Variants in PAQR8 observed in about 807,000 individuals in gnomAD.
PAQR8 encodes the protein membrane progestin receptor beta.
A neutral mutation model predicts 25.2 loss-of-function variants in PAQR8; 17 were observed. The observed-to-expected ratio is 0.67, with a 90% CI of 0.46 to 1.01. The LOEUF is 1.01. Ranked by LOEUF, PAQR8 falls within the 50% of genes least tolerant of loss-of-function variation. The probability of loss-of-function intolerance (pLI) is 0.00; values close to 1 mark genes in which losing one functional copy is unlikely to be tolerated. For synonymous variants in PAQR8, 204 were observed against 190.6 expected (o/e 1.07, Z -0.58); for missense variants, 392 against 448.4 (o/e 0.87, Z 1.14).
chr6:52,397,090 G>T (rs1019059127), intron 1 of PAQR8, among the ~76,000 whole-genome samples: 1 of 152,168 alleles, frequency 6.6e-6, no homozygotes, highest in African/African-American at 2.4e-5. Flanking sequence ...TGTCACTTAA[G>T]CCAAGAGAGG....
At chr6:52,381,362 C>G (rs1480242573) in intron 1 of PAQR8, among the ~76,000 whole-genome samples, 1 of 152,242 alleles carries the variant, frequency 6.6e-6, no homozygotes, top group Non-Finnish European at 1.5e-5. Flanking sequence ...AGGCCCTATA[C>G]TTTGGGAGGC....
intron 1 of PAQR8, among the ~76,000 whole-genome samples, chr6:52,363,298 G>A (rs1763312804): frequency 6.6e-6 from 1 of 152,160 alleles, no homozygotes; most frequent in Non-Finnish European, 1.5e-5. Context: ...CAGGAGCCTT[G>A]GCAGGCTCAT....
chr6:52,377,492 A>T (rs1030909641), intron 1 of PAQR8, among the ~76,000 whole-genome samples: 1 of 152,146 alleles, frequency 6.6e-6, no homozygotes, highest in African/African-American at 2.4e-5. Flanking sequence ...TAATAACTGT[A>T]TCTGCTACAT....
chr6:52,365,497 G>A (rs780783576), intron 1 of PAQR8, among the ~76,000 whole-genome samples: 2 of 152,138 alleles, frequency 1.3e-5, no homozygotes, highest in Non-Finnish European at 2.9e-5. Context: ...ACATTGATGC[G>A]TGTAGAACAC....
At position 52,403,327 on chromosome 6, in the gene PAQR8, A is replaced by C; in HGVS notation, c.114A>C (p.Pro38=). The change falls in exon 2 of 2, where the codon CCA becomes CCC. Residue 38 remains proline, a synonymous_variant. Coordinates refer to ENST00000442253, the MANE Select transcript of PAQR8 (RefSeq NM_133367.5). The part of the protein sequence containing the change: ...DGLPKMPCTV[P]ETDVPQLFRE... ...TTCCCAAGATGCCTTGCACTGTCCCAGAAACGGATGTGCCCCAGCTCTTCC... is the reference window on the plus strand; with the variant it reads ...TTCCCAAGATGCCTTGCACTGTCCCCGAAACGGATGTGCCCCAGCTCTTCC... The C allele has an allele frequency of 6.2e-7, 1 of 1,614,240 alleles. No homozygotes were observed. The highest frequency in any genetic ancestry group is 1.1e-5 in the South Asian group (1 of 91,092).
At chr6:52,395,873 CTG>C (rs1243812762) in intron 1 of PAQR8, among the ~76,000 whole-genome samples, 1 of 152,152 alleles carries the variant, frequency 6.6e-6, no homozygotes, top group African/African-American at 2.4e-5. Context: ...GACAATGACA[CTG>C]AGTAATTGAT....
intron 1 of PAQR8, among the ~76,000 whole-genome samples, chr6:52,383,164 A>C (rs73443978): frequency 1.8e-3 from 278 of 152,374 alleles, no homozygotes; most frequent in African/African-American, 6.4e-3. Flanking sequence ...CTATGTACAT[A>C]TCTATTTTAA....
chr6:52,366,113 A>C (rs868617612), intron 1 of PAQR8, among the ~76,000 whole-genome samples: 7 of 152,080 alleles, frequency 4.6e-5, no homozygotes, highest in Admixed American at 2.0e-4. Flanking sequence ...CTGAAATCTC[A>C]GCTCTTCTGT....
At chr6:52,385,606 A>G (rs1763623328) in intron 1 of PAQR8, among the ~76,000 whole-genome samples, 2 of 152,214 alleles carry the variant, frequency 1.3e-5, no homozygotes, top group South Asian at 2.1e-4. Flanking sequence ...ACTATTGGCC[A>G]TGCACCATGG....
At chr6:52,397,903 T>C (rs913497374) in intron 1 of PAQR8, among the ~76,000 whole-genome samples, 2 of 152,098 alleles carry the variant, frequency 1.3e-5, no homozygotes, top group African/African-American at 4.8e-5. Context: ...TGTGGTTTCC[T>C]CCAAAACGGG....
At chr6:52,379,197 A>T (rs1319263663) in intron 1 of PAQR8, among the ~76,000 whole-genome samples, 1 of 152,076 alleles carries the variant, frequency 6.6e-6, no homozygotes, top group Non-Finnish European at 1.5e-5. Context: ...CACAAAAGGA[A>T]AGCACTGTAT....
At chr6:52,386,450 C>T (rs563559106) in intron 1 of PAQR8, among the ~76,000 whole-genome samples, 9 of 152,286 alleles carry the variant, frequency 5.9e-5, no homozygotes, top group Non-Finnish European at 1.0e-4. Flanking sequence ...AGGAATGAAC[C>T]TCAGTGCCCA....
At chr6:52,395,592 C>G (rs187439745) in intron 1 of PAQR8, among the ~76,000 whole-genome samples, 3 of 152,236 alleles carry the variant, frequency 2.0e-5, no homozygotes, top group Admixed American at 2.0e-4. Context: ...AGGAGTGTTA[C>G]AAAACAAATA....
In PAQR8 at chr6:52,385,513, C is replaced by T. The variant is rs529219781; in HGVS notation, c.-52-17649C>T. Among the ~76,000 whole-genome samples, 191 of 152,276 alleles carry T rather than the reference C, an allele frequency of 1.3e-3. 1 individual carries two copies. The highest frequency in any genetic ancestry group is 4.3e-3 in the African/African-American group (179 of 41,542). Reference sequence around the variant, plus strand: ...CCTTGGGGAAGATTTATAACTAAGTCCTCAAAAGCATCTGCAACAAAAACA... The same window carrying T: ...CCTTGGGGAAGATTTATAACTAAGTTCTCAAAAGCATCTGCAACAAAAACA... On this transcript the variant is annotated intron_variant, in intron 1 of 1. Transcript: ENST00000442253.
intron 1 of PAQR8, among the ~76,000 whole-genome samples, chr6:52,399,886 A>T (rs1763810896): frequency 6.6e-6 from 1 of 152,212 alleles, no homozygotes; most frequent in Non-Finnish European, 1.5e-5. Context: ...GTTATCCCAC[A>T]TCCCAGGCCC....
At chr6:52,394,092 A>G (rs1371766296) in intron 1 of PAQR8, among the ~76,000 whole-genome samples, 2 of 152,156 alleles carry the variant, frequency 1.3e-5, no homozygotes, top group Non-Finnish European at 2.9e-5. Context: ...TTCCTGTGAG[A>G]GATAATAAGG....
rs186355834 is a variant in PAQR8 at position 52,407,407 on chromosome 6, C to T, written c.*3129C>T. 2 of 167,146 alleles carry T rather than the reference C, an allele frequency of 1.2e-5. No homozygotes were observed. The highest frequency in any genetic ancestry group is 1.9e-4 in the East Asian group (1 of 5,192). 10.4% of individuals were successfully genotyped at this position (167,146 alleles called of 1,614,324 possible). A position where few individuals can be genotyped will look rare whatever the true frequency, so the allele number is the denominator to read the frequency against. ...CCATTTCAGCGGAAAGTACTTCACT[C>T]AACAACAATATTCTCAAGAGTCTTC... On this transcript the variant is annotated 3_prime_UTR_variant, in exon 2 of 2. Coordinates refer to ENST00000442253, the MANE Select transcript of PAQR8 (RefSeq NM_133367.5).
At position 52,377,691 on chromosome 6, in the gene PAQR8, T is replaced by G. The variant is rs74758300; in HGVS notation, c.-53+15442T>G. Among the ~76,000 whole-genome samples the G allele has an allele frequency of 7.5e-3, 1,142 of 151,640 alleles. 9 individuals are homozygous for G. Among genetic ancestry groups the G allele is most frequent in the African/African-American group, 0.026 (1,056 of 41,370 alleles). ...TCCCAAAAGCCTAGGAAGTTTTGTT[T>G]AAGAGCAAAACTTAAAGGGGAAACT... On this transcript the variant is annotated intron_variant, in intron 1 of 1. Transcript: ENST00000442253.
intron 1 of PAQR8, among the ~76,000 whole-genome samples, chr6:52,395,738 A>G (rs75982394): frequency 9.7e-6 from 1 of 102,638 alleles, no homozygotes; most frequent in South Asian, 2.9e-4. Context: ...CTTTATGTAC[A>G]TGTTTTGCCT....
Sources: gnomAD v4.1 joint callset for allele counts (sites outside exome capture counted in the v4.1 genomes callset) on GRCh38, gnomAD v4.1.1 for gene constraint, MANE v1.5 for transcripts, NCBI Gene and HGNC (gene_info 2026-07-23, HGNC 2026-07-21) for gene names.